The following DNAH2 variants were observed in gnomAD, a reference collection of about 807,000 sequenced individuals.
DNAH2 encodes the protein axonemal beta dynein heavy chain 2.
DNAH2 carries 323 observed loss-of-function variants against 523.5 expected under a neutral mutation model. The observed-to-expected ratio is 0.62, with a 90% CI of 0.56 to 0.68. The LOEUF (loss-of-function observed/expected upper bound fraction) is 0.68. DNAH2 is among the 30% of genes least tolerant of loss of function. DNAH2 has a pLI of 0.00. For missense variants in DNAH2, 4,907 were observed against 5,701.5 expected, an observed-to-expected ratio of 0.86 and a Z score of 4.49; for synonymous variants, 2,093 against 2,177.4, an observed-to-expected ratio of 0.96 and a Z score of 1.08.
intron 2 of DNAH2, among the ~76,000 whole-genome samples, chr17:7,722,190 G>GC: frequency 2.4e-5 from 1 of 41,594 alleles, no homozygotes; most frequent in Middle Eastern, 8.6e-3. Flanking sequence ...ATAGAGACGG[G>GC]GGGGGGGGTT....
Position 7,824,673 on chromosome 17 carries a change from C to T in DNAH2, c.11799C>T (p.Asp3933=). Residue 3933 remains aspartate, a synonymous_variant, in exon 77 of 86, where the codon GAC becomes GAT. Coordinates refer to ENST00000572933, the MANE Select transcript of DNAH2 (RefSeq NM_020877.5). ...RLWLSSIPHP[D]FPISILQVSI... is the part of the protein sequence containing the mutation. ...GGCTCAGCTCCATCCCCCACCCAGA[C>T]TTCCCTATCTCAATCTTGCAGGTCA... 6.2e-7 allele frequency: 1 copy of T among 1,604,416 alleles called. No individual in the cohort carries two copies. Among genetic ancestry groups the T allele is most frequent in the Non-Finnish European group, 8.5e-7 (1 of 1,173,738 alleles).
chr17:7,793,447 T>TTCTTTCTC lies in DNAH2; in HGVS notation c.7569+243_7569+244insCTTTCTCT, dbSNP rs774059490. Among the ~76,000 whole-genome samples, 276 of 96,506 alleles carry TTCTTTCTC rather than the reference T, an allele frequency of 2.9e-3. 6 individuals carry two copies. Among genetic ancestry groups the TTCTTTCTC allele is most frequent in the South Asian group, 6.6e-3 (20 of 3,020 alleles). 63.3% of individuals were successfully genotyped at this position (96,506 alleles called of 152,430 possible). On this transcript the variant is annotated intron_variant, in intron 48 of 85. Transcript: ENST00000572933. Reference sequence around the variant, plus strand: ...GCCTGCTTGCTTTTTCTTTCTTTCTTTTTCTTTCTTTCTTTCTTTCTTTCT... The same window carrying TTCTTTCTC: ...GCCTGCTTGCTTTTTCTTTCTTTCTTTCTTTCTCTTTCTTTCTTTCTTTCTTTCTTTCT...
Position 7,778,078 on chromosome 17 carries a change from A to T in DNAH2, c.5249A>T (p.Asp1750Val). 6.2e-7 allele frequency: 1 copy of T among 1,613,136 alleles called. No individual in the cohort carries two copies. The highest frequency in any genetic ancestry group is 1.3e-5 in the African/African-American group (1 of 74,958). The change falls in exon 34 of 86, where the codon GAT (aspartate) becomes GTT (valine). Residue 1750 changes from aspartate (D) to valine (V), a missense_variant and splice_region_variant. Physicochemically the swap from Asp to Val is radical, Grantham distance 152. Transcript: ENST00000572933. ...LSQLRFYWEK[D>V]LDDCVIRQTN... is the part of the protein sequence containing the mutation. ...CTTTTTCTGCGCTGTTTTCCCCAGGATCTTGATGACTGTGTCATCCGCCAG... is the reference window on the plus strand; with the variant it reads ...CTTTTTCTGCGCTGTTTTCCCCAGGTTCTTGATGACTGTGTCATCCGCCAG...
chr17:7,833,527 C>T lies in DNAH2; in HGVS notation c.13278C>T (p.Asp4426=), dbSNP rs1409478552. ...KRGTALLMSL[D]S Reference sequence around the variant, plus strand: ...GCACTGCTCTACTCATGAGCCTGGACAGCTGAGACCTCCTCCTCTTCTCCG... The same window carrying T: ...GCACTGCTCTACTCATGAGCCTGGATAGCTGAGACCTCCTCCTCTTCTCCG... The change falls in exon 86 of 86, where the codon GAC becomes GAT. Residue 4426 remains aspartate (D), a synonymous_variant. Transcript: ENST00000572933. 5.0e-6 allele frequency: 8 copies of T among 1,613,728 alleles called. 1 individual carries two copies. The Middle Eastern group carries it at 4.9e-4, about 100-fold the overall frequency.
chr17:7,788,453 G>T (rs553193091), intron 44 of DNAH2, among the ~76,000 whole-genome samples: 8 of 152,150 alleles, frequency 5.3e-5, no homozygotes, highest in Non-Finnish European at 1.2e-4. Flanking sequence ...GAGCTGAAAG[G>T]TCTGACTAGG....
At chr17:7,741,288 T>TTCTTTCTG (rs2075323758) in intron 11 of DNAH2, among the ~76,000 whole-genome samples, 1 of 60,376 alleles carries the variant, frequency 1.7e-5, no homozygotes. Flanking sequence ...CTTTCTTTCT[T>TTCTTTCTG]TCTTTCTTCC....
chr17:7,775,389 C>A (rs1230587020), intron 30 of DNAH2, 47 bp downstream of exon 30: 2 of 1,557,626 alleles, frequency 1.3e-6, no homozygotes, highest in Admixed American at 3.6e-5. Flanking sequence ...CTTCTTCCTA[C>A]AGAAAGTTCA....
chr17:7,786,721 C>A lies in DNAH2; in HGVS notation c.6466+34C>A. 6.2e-7 allele frequency: 1 copy of A among 1,607,722 alleles called. No individual in the cohort carries two copies. The highest frequency in any genetic ancestry group is 8.5e-7 in the Non-Finnish European group (1 of 1,175,090). The stretch of plus-strand genomic sequence containing the variant: ...AGGATCGTGGGGTGTGGAGAGCAGA[C>A]GCCTGAGTCTCCTAAGGGGGCAGGG... On this transcript the variant is annotated intron_variant, in intron 41 of 85. Coordinates refer to ENST00000572933, the MANE Select transcript of DNAH2 (RefSeq NM_020877.5). The surrounding 1 kb of genome is among the most constrained non-coding windows in gnomAD (Gnocchi z 7.5).
Position 7,740,948 on chromosome 17 carries a change from C to T in DNAH2, c.1645C>T (p.Arg549Cys), listed in dbSNP as rs750915397. 27 of 1,611,638 alleles carry T rather than the reference C, an allele frequency of 1.7e-5. No individual in the cohort carries two copies. The highest frequency in any genetic ancestry group is 6.7e-5 in the Admixed American group (4 of 59,962). Residue 549 changes from arginine (R) to cysteine (C), a missense_variant, in exon 11 of 86, where the codon CGC becomes TGC. Coordinates refer to ENST00000572933, the MANE Select transcript of DNAH2 (RefSeq NM_020877.5). Reference protein sequence around the residue: ...PYVAQYSGKARWVHILRRRID... With the variant: ...PYVAQYSGKACWVHILRRRID... ...CGTGGCCCAGTATTCCGGAAAGGCG[C>T]GCTGGGTGCACATCCTCCGGCGTCG... is the stretch of plus-strand genomic sequence containing the variant.
intron 13 of DNAH2, 121 bp downstream of exon 13, chr17:7,757,358 C>CAAAA (rs200641531): frequency 3.8e-6 from 4 of 1,039,948 alleles, no homozygotes; most frequent in African/African-American, 1.7e-5. Flanking sequence ...TTTTCCATCT[C>CAAAA]AAAAAAAAAA....
intron 12 of DNAH2, among the ~76,000 whole-genome samples, chr17:7,745,285 G>A (rs1161128976): frequency 2.0e-5 from 3 of 152,150 alleles, no homozygotes; most frequent in Admixed American, 6.5e-5. Context: ...ATGAGCCACT[G>A]TGTCTGGCCA....
chr17:7,794,295 A>T lies in DNAH2; in HGVS notation c.7611A>T (p.Gly2537=), dbSNP rs1445439392. 9.3e-6 allele frequency: 15 copies of T among 1,610,044 alleles called. No homozygotes were observed. Among genetic ancestry groups the T allele is most frequent in the Non-Finnish European group, 1.3e-5 (15 of 1,178,246 alleles). ...CTGCCATGGGCCCCCCTGGGGGTGGACGGACTGTCATCTCCCCAAGGCTAC... is the reference window on the plus strand; with the variant it reads ...CTGCCATGGGCCCCCCTGGGGGTGGTCGGACTGTCATCTCCCCAAGGCTAC... ...LMAAMGPPGG[G]RTVISPRLRS... Residue 2537 remains glycine, a synonymous_variant, in exon 49 of 86, where the codon GGA becomes GGT. Transcript: ENST00000572933.
At chr17:7,792,621 G>A in intron 46 of DNAH2, 36 bp from the exon 47 acceptor site, 1 of 1,565,540 alleles carries the variant, frequency 6.4e-7, no homozygotes, top group South Asian at 1.1e-5. Context: ...GGAGTGGGCG[G>A]CTGGTCCTTG....
chr17:7,750,283 A>G (rs2543542), intron 12 of DNAH2, among the ~76,000 whole-genome samples: 116,362 of 152,100 alleles, frequency 0.77, 45,658 homozygotes, highest in East Asian at 1. Flanking sequence ...AATCTGACAT[A>G]CTGGGTATTG....
rs2074538161 is a variant in DNAH2 at position 7,719,710 on chromosome 17, T to C, written c.-14-11T>C. Reference sequence around the variant, plus strand: ...TCTGCTTGTAGACTCTCCACTCCTGTATACCTGTAGGTTTTGCCTGCACGA... The same window carrying C: ...TCTGCTTGTAGACTCTCCACTCCTGCATACCTGTAGGTTTTGCCTGCACGA... On this transcript the variant is annotated splice_polypyrimidine_tract_variant and intron_variant, in intron 1 of 85. Transcript: ENST00000572933. 1.2e-6 allele frequency: 2 copies of C among 1,614,088 alleles called. No individual in the cohort carries two copies. The highest frequency in any genetic ancestry group is 2.7e-5 in the African/African-American group (2 of 74,950).
chr17:7,802,199 TC>T (rs1440742499), intron 58 of DNAH2, among the ~76,000 whole-genome samples, 182 bp downstream of exon 58: 1 of 152,140 alleles, frequency 6.6e-6, no homozygotes, highest in Non-Finnish European at 1.5e-5. Context: ...TCTGGCTATG[TC>T]CCCCTCAGCC....
intron 28 of DNAH2, 45 bp from the exon 29 acceptor site, chr17:7,774,714 G>A (rs779411012): frequency 3.2e-6 from 5 of 1,568,980 alleles, no homozygotes; most frequent in Non-Finnish European, 4.4e-6. Context: ...ATCCGCCCAG[G>A]GCAGTGGAAA....
At position 7,780,406 on chromosome 17, in the gene DNAH2, A is replaced by T; in HGVS notation, c.5850+122A>T. Reference sequence around the variant, plus strand: ...CCTCTAAGGAACTTAGACTATTGTCAGTAGGATGTGTGGGGAGAAAAATTT... The same window carrying T: ...CCTCTAAGGAACTTAGACTATTGTCTGTAGGATGTGTGGGGAGAAAAATTT... On this transcript the variant is annotated intron_variant, in intron 37 of 85. Coordinates refer to ENST00000572933, the MANE Select transcript of DNAH2 (RefSeq NM_020877.5). This position sits in a 1 kb window ranked among gnomAD's most constrained non-coding sequence, Gnocchi z 4.4. 6.6e-7 allele frequency: 1 copy of T among 1,507,898 alleles called. No homozygotes were observed. Among genetic ancestry groups the T allele is most frequent in the East Asian group, 2.3e-5 (1 of 44,056 alleles). The allele number at this position is 1,507,898 out of a possible 1,614,324, so 93.4% of individuals were successfully genotyped here.
chr17:7,801,476 C>T, intron 56 of DNAH2, 102 bp from the exon 57 acceptor site: 1 of 1,518,504 alleles, frequency 6.6e-7, no homozygotes, highest in South Asian at 1.2e-5. Context: ...GGGGATGGGG[C>T]ATTTTAGGTT....
Sources: allele counts gnomAD v4.1 joint callset (sites outside exome capture counted in the v4.1 genomes callset), GRCh38; gene constraint gnomAD v4.1.1; non-coding constraint Gnocchi (gnomAD v3.1); transcripts MANE v1.5; gene names NCBI Gene and HGNC (gene_info 2026-07-23, HGNC 2026-07-21).